Variants in CTNNA3 observed in about 807,000 individuals in gnomAD.
CTNNA3 encodes catenin alpha-3.
Under a neutral mutation model 95.7 loss-of-function variants are expected in CTNNA3, and 76 were observed. The ratio of observed to expected loss-of-function variants is 0.79; its 90% CI spans 0.66 to 0.96. CTNNA3 has a LOEUF of 0.96. Among genes scored for constraint, CTNNA3 ranks in the 40% least tolerant of loss-of-function variants. CTNNA3 has a pLI of 0.00. For synonymous variants in CTNNA3, 431 were observed against 374.4 expected, an observed-to-expected ratio of 1.15 and a Z score of -1.74; for missense variants, 1,191 against 1,089.8, an observed-to-expected ratio of 1.09 and a Z score of -1.31.
intron 4 of CTNNA3, among the ~76,000 whole-genome samples, chr10:67,528,882 T>A (rs1470312867): frequency 5.9e-5 from 9 of 152,170 alleles, no homozygotes; most frequent in Admixed American, 6.5e-5. Context: ...TTTACATGGT[T>A]TAAATTTGTA....
rs572022144 is a variant in CTNNA3 at position 67,351,928 on chromosome 10, C to T, written c.580-132058G>A. Among the ~76,000 whole-genome samples the T allele has an allele frequency of 2.6e-5, 4 of 152,096 alleles. No homozygotes were observed. In the South Asian group the frequency reaches 8.3e-4, roughly 32 times the overall value. ...AATATTAACCAGAAGTCAGGCTTAA[C>T]ATTCCATTTCCTGAAAATGATCATC... is the stretch of plus-strand genomic sequence containing the variant. On this transcript the variant is annotated intron_variant, in intron 5 of 17. Coordinates refer to ENST00000433211, the MANE Select transcript of CTNNA3 (RefSeq NM_013266.4).
chr10:66,559,749 C>A (rs1263470937), intron 10 of CTNNA3, among the ~76,000 whole-genome samples: 4 of 152,018 alleles, frequency 2.6e-5, no homozygotes, highest in African/African-American at 7.2e-5. Context: ...ACAGTTTAAA[C>A]CACCAATTCC....
At chr10:66,290,838 T>C (rs1275176303) in intron 12 of CTNNA3, among the ~76,000 whole-genome samples, 1 of 152,142 alleles carries the variant, frequency 6.6e-6, no homozygotes, top group Non-Finnish European at 1.5e-5. Flanking sequence ...TTACTTCTTG[T>C]AGGATGGTCA....
At position 66,723,425 on chromosome 10, in the gene CTNNA3, T is replaced by G. The variant is rs78401018; in HGVS notation, c.1281+42839A>C. Reference sequence around the variant, plus strand: ...CAGTTAACACTCTAAATTGTACCCTTGTGCACACATACAGGCCTAAATCAC... The same window carrying G: ...CAGTTAACACTCTAAATTGTACCCTGGTGCACACATACAGGCCTAAATCAC... On this transcript the variant is annotated intron_variant, in intron 9 of 17. Transcript: ENST00000433211. 3.4e-3 allele frequency among the ~76,000 whole-genome samples: 513 copies of G among 152,274 alleles called. 4 individuals carry two copies. The highest frequency in any genetic ancestry group is 0.012 in the African/African-American group (494 of 41,534).
intron 12 of CTNNA3, 73 bp from the exon 13 acceptor site, chr10:66,280,694 T>C: frequency 8.2e-7 from 1 of 1,217,386 alleles, no homozygotes; most frequent in Non-Finnish European, 1.1e-6. Flanking sequence ...TTCCAGGAAA[T>C]GTAGAATTTG....
intron 11 of CTNNA3, among the ~76,000 whole-genome samples, chr10:66,475,896 A>T (rs1168662404): frequency 6.6e-6 from 1 of 152,170 alleles, no homozygotes; most frequent in Non-Finnish European, 1.5e-5. Flanking sequence ...TCATCCTATT[A>T]TAAAGACACA....
intron 7 of CTNNA3, among the ~76,000 whole-genome samples, chr10:66,856,644 A>G (rs1392401491): frequency 1.3e-5 from 2 of 151,874 alleles, no homozygotes; most frequent in Non-Finnish European, 1.5e-5. Flanking sequence ...TTGATTTGCA[A>G]TTCTCTAATG....
At chr10:67,146,186 A>G (rs573521603) in intron 7 of CTNNA3, among the ~76,000 whole-genome samples, 7 of 152,346 alleles carry the variant, frequency 4.6e-5, no homozygotes, top group African/African-American at 1.4e-4. Context: ...TTAAGTGAAG[A>G]ACAAGACTTA....
chr10:67,351,754 A>T lies in CTNNA3; in HGVS notation c.580-131884T>A, dbSNP rs143512723. Among the ~76,000 whole-genome samples, 168 of 152,116 alleles carry T rather than the reference A, an allele frequency of 1.1e-3. No individual in the cohort carries two copies. In the Middle Eastern group the frequency reaches 0.02, roughly 18 times the overall value. On this transcript the variant is annotated intron_variant, in intron 5 of 17. Transcript: ENST00000433211. ...CCTGTTATGTTAAATTTGGTACTAA[A>T]GCCTGAATGAACCACCTCAAATGGG...
In CTNNA3 at chr10:66,135,137, A is replaced by G. The variant is rs566670980; in HGVS notation, c.1885-31888T>C. 3.9e-5 allele frequency among the ~76,000 whole-genome samples: 6 copies of G among 152,316 alleles called. No homozygotes were observed. The East Asian group carries it at 7.7e-4, about 20-fold the overall frequency. On this transcript the variant is annotated intron_variant, in intron 13 of 17. Transcript: ENST00000433211. ...AAGAGGTATTATTTTTCATAATGCA[A>G]TATTTCTTAGCTAGTAACAGTAAAA...
intron 11 of CTNNA3, among the ~76,000 whole-genome samples, chr10:66,406,723 T>C (rs1391308500): frequency 6.6e-6 from 1 of 152,146 alleles, no homozygotes; most frequent in African/African-American, 2.4e-5. Context: ...TTAAGTGGTA[T>C]AGAGTTAGGA....
chr10:66,459,313 T>C (rs1320846826), intron 11 of CTNNA3, among the ~76,000 whole-genome samples: 1 of 152,104 alleles, frequency 6.6e-6, no homozygotes, highest in Admixed American at 6.6e-5. Flanking sequence ...AGTGAGTATG[T>C]GTAGCTAAGT....
chr10:66,091,168 G>GA (rs1349045712), intron 14 of CTNNA3, among the ~76,000 whole-genome samples: 1 of 151,842 alleles, frequency 6.6e-6, no homozygotes, highest in Non-Finnish European at 1.5e-5. Context: ...ATTTAAGGCA[G>GA]AAAAAGCAGA....
chr10:66,890,961 G>T (rs1346118635), intron 7 of CTNNA3, among the ~76,000 whole-genome samples: 2 of 152,066 alleles, frequency 1.3e-5, no homozygotes, highest in Admixed American at 1.3e-4. Context: ...AATTCTAGAA[G>T]AGACCTCTGG....
At chr10:66,266,189 G>A (rs373528635) in intron 13 of CTNNA3, among the ~76,000 whole-genome samples, 7 of 151,220 alleles carry the variant, frequency 4.6e-5, no homozygotes, top group East Asian at 2.0e-4. Context: ...CTCTGAAAAC[G>A]TGCCATAAGT....
At chr10:66,497,115 T>G (rs749804667) in intron 11 of CTNNA3, among the ~76,000 whole-genome samples, 3 of 152,100 alleles carry the variant, frequency 2.0e-5, no homozygotes, top group African/African-American at 4.8e-5. Context: ...ACAAATACAG[T>G]CACATTCTGA....
intron 11 of CTNNA3, among the ~76,000 whole-genome samples, chr10:66,518,757 GA>G (rs531427092): frequency 7.9e-5 from 12 of 151,312 alleles, no homozygotes; most frequent in Non-Finnish European, 1.6e-4. Context: ...ATGGTGAAAG[GA>G]AAAAAAATCA....
intron 7 of CTNNA3, among the ~76,000 whole-genome samples, chr10:66,949,380 A>G (rs1021820708): frequency 3.9e-5 from 6 of 152,100 alleles, no homozygotes; most frequent in African/African-American, 1.2e-4. Flanking sequence ...AACATGGAGA[A>G]ACCCCGTCTC....
At chr10:67,318,288 T>C (rs1319121961) in intron 5 of CTNNA3, among the ~76,000 whole-genome samples, 1 of 152,190 alleles carries the variant, frequency 6.6e-6, no homozygotes, top group Non-Finnish European at 1.5e-5. Context: ...GATGGAAAGA[T>C]TGAAACATTA....
Sources: allele counts gnomAD v4.1 joint callset (sites outside exome capture counted in the v4.1 genomes callset), GRCh38; gene constraint gnomAD v4.1.1; transcripts MANE v1.5; gene names NCBI Gene and HGNC (gene_info 2026-07-23, HGNC 2026-07-21).